Variants in CDK14 observed in about 807,000 individuals in gnomAD.
The protein encoded by CDK14 is cyclin dependent kinase 14.
A neutral mutation model predicts 60.7 loss-of-function variants in CDK14; 34 were observed. That is an observed-to-expected ratio of 0.56 (90% CI 0.43 to 0.75). The LOEUF (loss-of-function observed/expected upper bound fraction) is 0.75. Among genes scored for constraint, CDK14 ranks in the 30% least tolerant of loss-of-function variants. CDK14 has a pLI of 0.00. For synonymous variants in CDK14, 197 were observed against 203.7 expected, an observed-to-expected ratio of 0.97 and a Z score of 0.28; for missense variants, 482 against 564.1, an observed-to-expected ratio of 0.85 and a Z score of 1.47.
intron 12 of CDK14, among the ~76,000 whole-genome samples, chr7:91,084,528 C>T (rs1798575416): frequency 1.3e-5 from 2 of 152,238 alleles, no homozygotes. Flanking sequence ...GGTTTGTCAC[C>T]TCTTCCACAC....
intron 2 of CDK14, among the ~76,000 whole-genome samples, chr7:90,653,584 C>T (rs1272062413): frequency 6.6e-6 from 1 of 152,042 alleles, no homozygotes; most frequent in African/African-American, 2.4e-5. Flanking sequence ...CTTGATCAAA[C>T]TCCATTTGAA....
chr7:90,638,225 C>T (rs985823259), intron 2 of CDK14, among the ~76,000 whole-genome samples: 3 of 152,052 alleles, frequency 2.0e-5, no homozygotes, highest in Non-Finnish European at 4.4e-5. Flanking sequence ...CTTCCTAGTC[C>T]TGATGGTCTT....
intron 14 of CDK14, among the ~76,000 whole-genome samples, chr7:91,160,363 T>C (rs1052082901): frequency 2.0e-5 from 3 of 152,190 alleles, no homozygotes; most frequent in African/African-American, 7.2e-5. Flanking sequence ...CTGGAATTTA[T>C]AGATACCTTG....
chr7:91,089,315 A>G (rs1244622662), intron 12 of CDK14, among the ~76,000 whole-genome samples: 4 of 152,154 alleles, frequency 2.6e-5, no homozygotes, highest in Non-Finnish European at 5.9e-5. Flanking sequence ...ACGGCATGAT[A>G]GGACTATATT....
At chr7:90,641,180 G>C (rs923140649) in intron 2 of CDK14, among the ~76,000 whole-genome samples, 1 of 151,878 alleles carries the variant, frequency 6.6e-6, no homozygotes, top group Non-Finnish European at 1.5e-5. Context: ...CATACCCTGG[G>C]ACTGCAAAAT....
At chr7:90,706,341 C>G (rs1297730039) in intron 2 of CDK14, among the ~76,000 whole-genome samples, 1 of 152,140 alleles carries the variant, frequency 6.6e-6, no homozygotes, top group African/African-American at 2.4e-5. Flanking sequence ...TTTCCCCTAC[C>G]CATTCCTCAA....
Position 91,000,313 on chromosome 7 carries a change from G to C in CDK14, c.1041+16072G>C, listed in dbSNP as rs118120394. On this transcript the variant is annotated intron_variant, in intron 10 of 14. Coordinates refer to ENST00000380050, the MANE Select transcript of CDK14 (RefSeq NM_001287135.2). The stretch of plus-strand genomic sequence containing the variant: ...AGAACTACAAACCAGTCTTCTGTAG[G>C]CTACTTCCAATTCACTGCTCAATAT... Among the ~76,000 whole-genome samples, 17 of 152,260 alleles carry C rather than the reference G, an allele frequency of 1.1e-4. No homozygotes were observed. In the East Asian group the frequency reaches 3.3e-3, roughly 29 times the overall value.
Position 90,790,584 on chromosome 7 carries a change from A to C in CDK14, c.476A>C (p.Lys159Thr), listed in dbSNP as rs1447782919. The C allele has an allele frequency of 6.2e-7, 1 of 1,611,236 alleles. No individual in the cohort carries two copies. Among genetic ancestry groups the C allele is most frequent in the Non-Finnish European group, 8.5e-7 (1 of 1,178,150 alleles). ...VYKGKSKVNG[K>T]LVALKVIRLQ... is the part of the protein sequence containing the mutation. ...TTCATTTCTCACAGGGTAAATGGGA[A>C]GTTGGTAGCTCTGAAGGTGATCAGG... Residue 159 changes from lysine (K) to threonine (T), a missense_variant, in exon 5 of 15, where the codon AAG becomes ACG. By Grantham distance (78) the Lys-to-Thr change is moderately conservative. Coordinates refer to ENST00000380050, the MANE Select transcript of CDK14 (RefSeq NM_001287135.2).
At chr7:90,716,510 C>T (rs1402930815) in intron 2 of CDK14, 1 of 152,038 alleles carries the variant, frequency 6.6e-6, no homozygotes, top group Admixed American at 6.6e-5. Context: ...ATTAGAGACA[C>T]ATACATCTAT....
chr7:91,100,458 A>C (rs948906678), intron 12 of CDK14, among the ~76,000 whole-genome samples: 1 of 152,212 alleles, frequency 6.6e-6, no homozygotes, highest in African/African-American at 2.4e-5. Flanking sequence ...GAGTTAAATG[A>C]AAATAAGTTT....
chr7:90,757,937 A>T (rs550537279), intron 4 of CDK14, among the ~76,000 whole-genome samples: 1 of 152,166 alleles, frequency 6.6e-6, no homozygotes, highest in Non-Finnish European at 1.5e-5. Context: ...AGTAGTTGCT[A>T]TTAGGCATAG....
At chr7:90,741,614 A>G (rs1803348824) in intron 3 of CDK14, among the ~76,000 whole-genome samples, 1 of 152,142 alleles carries the variant, frequency 6.6e-6, no homozygotes, top group Non-Finnish European at 1.5e-5. Context: ...ACATTTGGAC[A>G]TATTTAGAGA....
intron 4 of CDK14, among the ~76,000 whole-genome samples, chr7:90,775,744 TCTCCTCTTCCTC>T (rs1336466194): frequency 1.5e-5 from 2 of 130,188 alleles, no homozygotes; most frequent in Non-Finnish European, 3.2e-5. Flanking sequence ...CTCTTCTCCT[TCTCCTCTTCCTC>T]CTCCTCTTTC....
intron 2 of CDK14, among the ~76,000 whole-genome samples, chr7:90,618,409 T>C (rs1368056630): frequency 6.6e-6 from 1 of 152,202 alleles, no homozygotes; most frequent in Non-Finnish European, 1.5e-5. Flanking sequence ...TATCATTGCA[T>C]TTTCTTCTTT....
At chr7:91,203,510 G>A (rs1802791259) in intron 14 of CDK14, among the ~76,000 whole-genome samples, 2 of 152,148 alleles carry the variant, frequency 1.3e-5, no homozygotes, top group South Asian at 4.1e-4. Context: ...GAAGTCTCTG[G>A]TTCAGGAAGT....
intron 5 of CDK14, among the ~76,000 whole-genome samples, chr7:90,854,439 A>G (rs1790753359): frequency 6.6e-6 from 1 of 152,186 alleles, no homozygotes; most frequent in Non-Finnish European, 1.5e-5. Flanking sequence ...GCTGCTCAGG[A>G]GGATCACTTG....
chr7:90,991,956 C>T (rs928355158), intron 10 of CDK14, among the ~76,000 whole-genome samples: 2 of 152,114 alleles, frequency 1.3e-5, no homozygotes, highest in Admixed American at 6.5e-5. Flanking sequence ...TAAGGTCCTC[C>T]CTGGTCAATA....
intron 8 of CDK14, among the ~76,000 whole-genome samples, chr7:90,923,989 A>T (rs1001030905): frequency 2.0e-5 from 3 of 152,262 alleles, no homozygotes; most frequent in Non-Finnish European, 4.4e-5. Flanking sequence ...TTTATGTAAT[A>T]CATGTGCTAT....
chr7:90,684,514 C>G (rs924810254), intron 2 of CDK14, among the ~76,000 whole-genome samples: 1 of 152,104 alleles, frequency 6.6e-6, no homozygotes, highest in Non-Finnish European at 1.5e-5. Flanking sequence ...TTTTGAATGT[C>G]AGTAACAGTA....
Sources: allele counts gnomAD v4.1 joint callset (sites outside exome capture counted in the v4.1 genomes callset), GRCh38; gene constraint gnomAD v4.1.1; transcripts MANE v1.5; gene names NCBI Gene and HGNC (gene_info 2026-07-23, HGNC 2026-07-21).